Variants in RORA observed in about 807,000 individuals in gnomAD.
RORA encodes the protein nuclear receptor ROR-alpha.
In RORA, 7 loss-of-function variants were observed where a neutral mutation model predicts 69.5. The ratio of observed to expected loss-of-function variants is 0.10; its 90% confidence interval spans 0.06 to 0.19. The LOEUF (loss-of-function observed/expected upper bound fraction) is 0.19. RORA is among the 10% of genes least tolerant of loss of function. RORA has a pLI of 1.00. For missense variants in RORA, 457 were observed against 663.0 expected, an observed-to-expected ratio of 0.69 and a Z score of 3.41; for synonymous variants, 261 against 240.8, an observed-to-expected ratio of 1.08 and a Z score of -0.78.
At chr15:60,822,888 C>T (rs2072910331) in intron 1 of RORA, among the ~76,000 whole-genome samples, 1 of 152,164 alleles carries the variant, frequency 6.6e-6, no homozygotes, top group South Asian at 2.1e-4. Context: ...AAATGTCTTC[C>T]ATCCAAATTA....
chr15:61,154,126 T>C (rs1317627115), intron 1 of RORA, among the ~76,000 whole-genome samples: 1 of 152,154 alleles, frequency 6.6e-6, no homozygotes, highest in African/African-American at 2.4e-5. Flanking sequence ...TCATGCCCAG[T>C]TCACCCTTTA....
chr15:60,843,187 T>C (rs1321138344), intron 1 of RORA, among the ~76,000 whole-genome samples: 1 of 152,208 alleles, frequency 6.6e-6, no homozygotes, highest in Non-Finnish European at 1.5e-5. Context: ...GATTTGTTTT[T>C]TCCTTGCTCA....
chr15:60,948,125 A>G (rs945711933), intron 1 of RORA, among the ~76,000 whole-genome samples: 3 of 152,180 alleles, frequency 2.0e-5, no homozygotes, highest in African/African-American at 7.2e-5. Context: ...AGACATGCCC[A>G]AGACGCCCAG....
In RORA at chr15:61,113,417, A is replaced by C. The variant is rs145639223; in HGVS notation, c.166+115636T>G. Among the ~76,000 whole-genome samples, 637 of 152,304 alleles carry C rather than the reference A, an allele frequency of 4.2e-3. 6 individuals carry two copies. Among genetic ancestry groups the C allele is most frequent in the African/African-American group, 0.015 (603 of 41,556 alleles). On this transcript the variant is annotated intron_variant, in intron 1 of 10. Coordinates refer to ENST00000335670, the MANE Select transcript of RORA (RefSeq NM_134261.3). Reference sequence around the variant, plus strand: ...ATTCTGAGGACAGCAGGGAACATAAAAATCATATGGGAGCTTCTTTACCTC... The same window carrying C: ...ATTCTGAGGACAGCAGGGAACATAACAATCATATGGGAGCTTCTTTACCTC...
chr15:60,601,838 T>A (rs1286332776), intron 2 of RORA, among the ~76,000 whole-genome samples: 1 of 152,078 alleles, frequency 6.6e-6, no homozygotes, highest in Non-Finnish European at 1.5e-5. Context: ...GTCTTGTTAT[T>A]TATAAAAGAA....
chr15:60,675,700 TA>T (rs2070542522), intron 2 of RORA, among the ~76,000 whole-genome samples: 3 of 152,222 alleles, frequency 2.0e-5, no homozygotes, highest in Admixed American at 2.0e-4. Flanking sequence ...CCAAAACATT[TA>T]TTTTTTTTAA....
intron 3 of RORA, among the ~76,000 whole-genome samples, chr15:60,521,247 A>AT (rs34311504): frequency 0.051 from 7,350 of 144,984 alleles, 476 homozygotes; most frequent in African/African-American, 0.14. Flanking sequence ...AAAAATTGTC[A>AT]TTTTTTTTTT....
At chr15:60,815,074 A>G (rs1053985169) in intron 1 of RORA, among the ~76,000 whole-genome samples, 3 of 152,210 alleles carry the variant, frequency 2.0e-5, no homozygotes, top group Non-Finnish European at 2.9e-5. Flanking sequence ...AAGGAAGTCA[A>G]CTAATCCAAC....
chr15:60,748,665 T>C lies in RORA; in HGVS notation c.167-69979A>G, dbSNP rs2071682212. On this transcript the variant is annotated intron_variant, in intron 1 of 10. Transcript: ENST00000335670. ...TCTATCCTGGTTCTCCTTCTAGGCC[T>C]CCCAGGTCTCAGCCTGGTTTCTTTG... Among the ~76,000 whole-genome samples, 4 of 152,228 alleles carry C rather than the reference T, an allele frequency of 2.6e-5. No homozygotes were observed. The South Asian group carries it at 6.2e-4, about 24-fold the overall frequency.
chr15:60,957,869 C>T (rs1377795962), intron 1 of RORA, among the ~76,000 whole-genome samples: 2 of 152,138 alleles, frequency 1.3e-5, no homozygotes, highest in African/African-American at 4.8e-5. Flanking sequence ...CATATTATGT[C>T]CCGTACTTTC....
chr15:60,619,263 G>A (rs184638), intron 2 of RORA, among the ~76,000 whole-genome samples: 94,175 of 152,098 alleles, frequency 0.62, 29,263 homozygotes, highest in East Asian at 0.7. Flanking sequence ...ATTCTTCAAT[G>A]GATCATCTTT....
chr15:61,091,684 A>C (rs1449336292), intron 1 of RORA, among the ~76,000 whole-genome samples: 2 of 152,232 alleles, frequency 1.3e-5, no homozygotes, highest in African/African-American at 2.4e-5. Context: ...AAGCAACTTC[A>C]CATAACAAGA....
chr15:60,592,457 C>T lies in RORA; in HGVS notation c.197-60606G>A, dbSNP rs554321024. ...GGAGAGCGCAGGGAGAGCGGATGGT[C>T]CGACCCCGGAGCCCCCTCTGCCGCC... On this transcript the variant is annotated intron_variant, in intron 2 of 10. Transcript: ENST00000335670. 7.9e-6 allele frequency: 11 copies of T among 1,394,906 alleles called. No individual in the cohort carries two copies. In the South Asian group the frequency reaches 1.6e-4, roughly 20 times the overall value. 86.4% of individuals were successfully genotyped at this position (1,394,906 alleles called of 1,614,324 possible).
intron 2 of RORA, among the ~76,000 whole-genome samples, chr15:60,662,125 A>G (rs2070312370): frequency 6.6e-6 from 1 of 152,242 alleles, no homozygotes; most frequent in Admixed American, 6.5e-5. Flanking sequence ...TTTGTGCTTT[A>G]TCATTAATTA....
intron 1 of RORA, among the ~76,000 whole-genome samples, chr15:60,885,810 G>T (rs1394692082): frequency 1.3e-5 from 2 of 152,208 alleles, no homozygotes; most frequent in Non-Finnish European, 2.9e-5. Context: ...ACTTCCTCAT[G>T]TGTAAAACAA....
At chr15:60,986,758 A>G (rs1894215112) in intron 1 of RORA, among the ~76,000 whole-genome samples, 1 of 152,190 alleles carries the variant, frequency 6.6e-6, no homozygotes, top group Non-Finnish European at 1.5e-5. Context: ...TAACTGCATG[A>G]AAACTCTCAA....
chr15:61,143,702 C>T (rs2079320953), intron 1 of RORA, among the ~76,000 whole-genome samples: 1 of 152,140 alleles, frequency 6.6e-6, no homozygotes, highest in Non-Finnish European at 1.5e-5. Flanking sequence ...TATGTTGGTA[C>T]AACTGGCCAG....
intron 1 of RORA, among the ~76,000 whole-genome samples, chr15:61,138,832 T>A (rs574292815): frequency 0.013 from 2,035 of 151,408 alleles, 48 homozygotes; most frequent in African/African-American, 0.046. Context: ...TAAAATAAAA[T>A]AAAAAAATAA....
At chr15:61,224,389 C>A (rs2080127305) in intron 1 of RORA, among the ~76,000 whole-genome samples, 1 of 152,116 alleles carries the variant, frequency 6.6e-6, no homozygotes, top group Non-Finnish European at 1.5e-5. Flanking sequence ...TCCCCAGATA[C>A]CTGGGAAATG....
Sources: gnomAD v4.1 joint callset for allele counts (sites outside exome capture counted in the v4.1 genomes callset) on GRCh38, gnomAD v4.1.1 for gene constraint, MANE v1.5 for transcripts, NCBI Gene and HGNC (gene_info 2026-07-23, HGNC 2026-07-21) for gene names.